Variants in RYR1 observed in about 807,000 individuals in gnomAD.
RYR1 encodes the protein ryanodine receptor 1.
In RYR1, 342 loss-of-function variants were observed where a neutral mutation model predicts 583.5. The observed-to-expected ratio is 0.59, with a 90% CI of 0.54 to 0.64. The LOEUF is 0.64. Among genes scored for constraint, RYR1 ranks in the 30% least tolerant of loss-of-function variants. RYR1 has a pLI of 0.00. For synonymous variants in RYR1, 2,791 were observed against 2,822.5 expected, an observed-to-expected ratio of 0.99 and a Z score of 0.35; for missense variants, 6,032 against 6,917.2, an observed-to-expected ratio of 0.87 and a Z score of 4.54.
At chr19:38,528,920 C>A (rs775392561) in intron 75 of RYR1, 31 bp from the exon 76 acceptor site, 8 of 1,598,856 alleles carry the variant, frequency 5.0e-6, no homozygotes, top group Non-Finnish European at 6.8e-6. Flanking sequence ...ACTCTAGAAA[C>A]CCTCTCCCCA....
In RYR1 at chr19:38,491,080, CAGAT is replaced by C. The variant is rs548127637; in HGVS notation, c.6127+349_6127+352del. On this transcript the variant is annotated intron_variant, in intron 37 of 105. Coordinates refer to ENST00000359596, the MANE Select transcript of RYR1 (RefSeq NM_000540.3). ...AGAGATGGCTGGCTGGGTGGAAGGA[CAGAT>C]GGATGACCTCCATAGTTTCTGATGA... Among the ~76,000 whole-genome samples the C allele has an allele frequency of 1.8e-4, 27 of 152,246 alleles. No homozygotes were observed. In the East Asian group the frequency reaches 4.6e-3, roughly 26 times the overall value.
At chr19:38,457,457 G>A (rs919468715) in intron 16 of RYR1, 40 bp from the exon 17 acceptor site, 7 of 1,613,896 alleles carry the variant, frequency 4.3e-6, no homozygotes, top group Non-Finnish European at 5.9e-6. Context: ...ATCCTGCCCT[G>A]GTGCCTACAC....
Position 38,469,459 on chromosome 19 carries a change from CA to C in RYR1, c.3712del (p.Ser1238AlafsTer34). 1 of 1,614,192 alleles carries C rather than the reference CA, an allele frequency of 6.2e-7. No individual in the cohort carries two copies. The highest frequency in any genetic ancestry group is 8.5e-7 in the Non-Finnish European group (1 of 1,180,042). The part of the protein sequence containing the change: ...NMQRPVTTWF[S>X]KGLPQFEPVP... ...TGCAGCGCCCAGTCACCACCTGGTTCAGCAAAGGCCTGCCCCAGTTTGAGCC... is the reference window on the plus strand; with the variant it reads ...TGCAGCGCCCAGTCACCACCTGGTTCGCAAAGGCCTGCCCCAGTTTGAGCC... On this transcript the variant is annotated frameshift_variant, in exon 27 of 106. Coordinates refer to ENST00000359596, the MANE Select transcript of RYR1 (RefSeq NM_000540.3). LOFTEE classifies it high-confidence loss of function.
intron 47 of RYR1, 82 bp downstream of exon 47, chr19:38,501,072 T>G: frequency 7.1e-7 from 1 of 1,400,612 alleles, no homozygotes; most frequent in Non-Finnish European, 9.9e-7. Context: ...CAGCAGCAGC[T>G]GCTTTTGTTT....
At chr19:38,537,752 C>A in intron 83 of RYR1, 128 bp from the exon 84 acceptor site, 1 of 894,492 alleles carries the variant, frequency 1.1e-6, no homozygotes, top group Non-Finnish European at 1.9e-6. Flanking sequence ...TTTGGAGTGG[C>A]AGCTGCTCCT....
At chr19:38,525,565 G>T in intron 71 of RYR1, 63 bp downstream of exon 71, 1 of 1,549,592 alleles carries the variant, frequency 6.5e-7, no homozygotes, top group East Asian at 2.3e-5. Flanking sequence ...CTGAACCCCT[G>T]GGACCTTAGG....
rs140374285 is a variant in RYR1 at position 38,460,558 on chromosome 19, C to T, written c.2544C>T (p.Thr848=). 6.0e-5 allele frequency: 96 copies of T among 1,613,334 alleles called. No individual in the cohort carries two copies. In the African/African-American group the frequency reaches 7.5e-4, roughly 13 times the overall value. The change falls in exon 20 of 106, where the codon ACC becomes ACT. Residue 848 remains threonine, a synonymous_variant. Transcript: ENST00000359596. ...LVGPSRCLSH[T]DFVPCPVDTV... is the part of the protein sequence containing the mutation. ...GCCCCAGTCGCTGCCTCTCACACAC[C>T]GACTTCGTGCCCTGCCCTGTGGACA...
rs1600784403 is a variant in RYR1 at position 38,489,337 on chromosome 19, A to C, written c.5708A>C (p.Lys1903Thr). 2 of 1,608,640 alleles carry C rather than the reference A, an allele frequency of 1.2e-6. No individual in the cohort carries two copies. Among genetic ancestry groups the C allele is most frequent in the African/African-American group, 1.3e-5 (1 of 74,894 alleles). Residue 1903 changes from lysine to threonine, a missense_variant, in exon 35 of 106, where the codon AAG (lysine) becomes ACG (threonine). Physicochemically the swap from Lys to Thr is moderately conservative, Grantham distance 78. This residue lies in a region of RYR1 where 2,627 missense variants were observed against 2,961.3 expected (regional missense o/e 0.89). Transcript: ENST00000359596. Reference sequence around the variant, plus strand: ...GATGAGGAGGAAACAGCACAGGAAAAGGAAGATGAGGAAAAAGAGGAAGAG... The same window carrying C: ...GATGAGGAGGAAACAGCACAGGAAACGGAAGATGAGGAAAAAGAGGAAGAG... ...EEDEEETAQE[K>T]EDEEKEEEEA... is the part of the protein sequence containing the mutation.
At chr19:38,470,178 A>G (rs1968346074) in intron 27 of RYR1, among the ~76,000 whole-genome samples, 1 of 152,018 alleles carries the variant, frequency 6.6e-6, no homozygotes. Flanking sequence ...AAAAAAAAAA[A>G]AAGTTAAAGG....
Position 38,490,177 on chromosome 19 carries a change from C to A in RYR1, c.5916C>A (p.Asn1972Lys). ...GCTATGTGGACAAGCTCCAGGCCAA[C>A]CAGCGGAGCCGCTATGGCCTCCTCA... Reference protein sequence around the residue: ...AERYVDKLQANQRSRYGLLIK... With the variant: ...AERYVDKLQAKQRSRYGLLIK... The change falls in exon 36 of 106, where the codon AAC becomes AAA. Residue 1972 changes from asparagine to lysine, a missense_variant. By Grantham distance (94) the Asn-to-Lys change is moderately conservative. Around this residue, in one of 11 missense-constraint regions of RYR1, gnomAD observed 2,627 missense variants for 2,961.3 expected, o/e 0.89. Transcript: ENST00000359596. The A allele has an allele frequency of 1.2e-6, 2 of 1,614,240 alleles. No individual in the cohort carries two copies. Among genetic ancestry groups the A allele is most frequent in the South Asian group, 1.1e-5 (1 of 91,088 alleles).
chr19:38,576,050 T>C, intron 97 of RYR1, 89 bp downstream of exon 97: 4 of 1,489,190 alleles, frequency 2.7e-6, no homozygotes, highest in Non-Finnish European at 3.8e-6. Context: ...GCTTGGTGTG[T>C]GACCTTGGGC....
chr19:38,456,898 T>G (rs1967429749), intron 16 of RYR1, among the ~76,000 whole-genome samples: 1 of 150,812 alleles, frequency 6.6e-6, no homozygotes, highest in African/African-American at 2.4e-5. Flanking sequence ...TACAAAAAAT[T>G]AGCCAGGCAT....
At chr19:38,445,493 C>A (rs1479554071) in intron 7 of RYR1, among the ~76,000 whole-genome samples, 1 of 152,078 alleles carries the variant, frequency 6.6e-6, no homozygotes, top group Non-Finnish European at 1.5e-5. Context: ...CCCCAAACTT[C>A]AGAGTCCTAA....
At chr19:38,518,704 G>A (rs1339328457) in intron 66 of RYR1, among the ~76,000 whole-genome samples, 1 of 152,104 alleles carries the variant, frequency 6.6e-6, no homozygotes, top group African/African-American at 2.4e-5. Context: ...CGAGGCGGGT[G>A]GATCTCCTGA....
Position 38,534,775 on chromosome 19 carries a change from G to A in RYR1, c.11315G>A (p.Arg3772Gln), listed in dbSNP as rs193922839. 4.3e-6 allele frequency: 7 copies of A among 1,613,530 alleles called. No homozygotes were observed. The highest frequency in any genetic ancestry group is 2.7e-5 in the African/African-American group (2 of 74,898). Residue 3772 changes from arginine to glutamine, a missense_variant, in exon 79 of 106, where the codon CGG (arginine) becomes CAG (glutamine). By Grantham distance (43) the Arg-to-Gln change is conservative. Transcript: ENST00000359596. ...LLYQQARLHT[R>Q]GAAEMVLQMI... ...TACCAGCAAGCACGGCTGCACACCC[G>A]GGGGGCGGCCGAGATGGTGCTGCAG...
At position 38,584,932 on chromosome 19, in the gene RYR1, C is replaced by T. The variant is rs1216337367; in HGVS notation, c.14647-11C>T. On this transcript the variant is annotated splice_polypyrimidine_tract_variant and intron_variant, in intron 101 of 105. Coordinates refer to ENST00000359596, the MANE Select transcript of RYR1 (RefSeq NM_000540.3). Reference sequence around the variant, plus strand: ...GAATGAATGAGTGACCAGTGTGCTCCCCTCCCTCAGTGTTACCTGTTTCAC... The same window carrying T: ...GAATGAATGAGTGACCAGTGTGCTCTCCTCCCTCAGTGTTACCTGTTTCAC... 8 of 1,613,688 alleles carry T rather than the reference C, an allele frequency of 5.0e-6. No individual in the cohort carries two copies.
At chr19:38,570,741 G>GCCTCCCATCCCACA in intron 94 of RYR1, 48 bp downstream of exon 94, 1 of 1,444,486 alleles carries the variant, frequency 6.9e-7, no homozygotes, top group Non-Finnish European at 9.7e-7. Context: ...TCCATGCTGT[G>GCCTCCCATCCCACA]GGATGGGAGG....
chr19:38,532,395 T>G (rs1170295307), intron 76 of RYR1, 95 bp from the exon 77 acceptor site: 3 of 1,248,948 alleles, frequency 2.4e-6, no homozygotes, highest in Non-Finnish European at 3.5e-6. Context: ...AGTGTTGGGA[T>G]TACAGGCATG....
chr19:38,509,443 TATTATTA>T (rs1259383032), intron 58 of RYR1, among the ~76,000 whole-genome samples: 2 of 130,232 alleles, frequency 1.5e-5, no homozygotes, highest in Admixed American at 8.1e-5. Context: ...TTATTATTAT[TATTATTA>T]TTTTTTTTTT....
Sources: gnomAD v4.1 joint callset for allele counts (sites outside exome capture counted in the v4.1 genomes callset) on GRCh38, gnomAD v4.1.1 for gene constraint, gnomAD v4.1.1 regional missense constraint, MANE v1.5 for transcripts, NCBI Gene and HGNC (gene_info 2026-07-23, HGNC 2026-07-21) for gene names.